The following P4HA1 variants were observed in gnomAD, a reference collection of about 807,000 sequenced individuals.
P4HA1 encodes prolyl 4-hydroxylase subunit alpha-1.
P4HA1 carries 24 observed loss-of-function variants against 72.8 expected under a neutral mutation model. That is an observed-to-expected ratio of 0.33 (90% CI 0.24 to 0.46). The LOEUF is 0.46. Among genes scored for constraint, P4HA1 ranks in the 20% least tolerant of loss-of-function variants. The probability of loss-of-function intolerance (pLI) is 1.00; values close to 1 mark genes in which losing one functional copy is unlikely to be tolerated. For synonymous variants in P4HA1, 201 were observed against 218.8 expected, an observed-to-expected ratio of 0.92 and a Z score of 0.72; for missense variants, 446 against 640.6, an observed-to-expected ratio of 0.70 and a Z score of 3.28.
intron 10 of P4HA1, among the ~76,000 whole-genome samples, chr10:73,024,531 G>C (rs913384902): frequency 5.9e-5 from 9 of 152,140 alleles, no homozygotes; most frequent in Non-Finnish European, 8.8e-5. Context: ...GCCCACAAGA[G>C]AAAGCAAGAA....
Position 73,074,870 on chromosome 10 carries a change from A to G in P4HA1, c.14T>C (p.Ile5Thr), listed in dbSNP as rs1841659822. The change falls in exon 2 of 15, where the codon ATA (isoleucine) becomes ACA (threonine). Residue 5 changes from isoleucine to threonine, a missense_variant. Ile to Thr is a moderately conservative substitution (Grantham distance 89, BLOSUM62 -1). Coordinates refer to ENST00000394890, the MANE Select transcript of P4HA1 (RefSeq NM_001017962.3). MIWY[I>T]LIIGILLPQS... ...GGGAAGCAGAATTCCTATAATTAAT[A>G]TATACCAGATCATCTTGGAAGATTT... 6.6e-7 allele frequency: 1 copy of G among 1,513,188 alleles called. No individual in the cohort carries two copies. The highest frequency in any genetic ancestry group is 9.2e-7 in the Non-Finnish European group (1 of 1,091,368). The allele number at this position is 1,513,188 out of a possible 1,614,324, so 93.7% of individuals were successfully genotyped here. A position where few individuals can be genotyped will look rare whatever the true frequency, so the allele number is the denominator to read the frequency against.
intron 4 of P4HA1, among the ~76,000 whole-genome samples, chr10:73,070,142 C>CTTTTTTTTTTTT (rs71021546): frequency 1.4e-4 from 9 of 64,500 alleles, no homozygotes; most frequent in Admixed American, 2.2e-4. Flanking sequence ...GAGACCAGGC[C>CTTTTTTTTTTTT]TTTTTTTTTT....
chr10:73,037,087 T>A (rs1840591311), intron 9 of P4HA1, among the ~76,000 whole-genome samples: 1 of 152,112 alleles, frequency 6.6e-6, no homozygotes, highest in Non-Finnish European at 1.5e-5. Context: ...AAATGTCAAC[T>A]AATTATACAG....
chr10:73,037,210 T>C (rs1840594339), intron 9 of P4HA1, among the ~76,000 whole-genome samples: 2 of 151,738 alleles, frequency 1.3e-5, no homozygotes, highest in Admixed American at 1.3e-4. Flanking sequence ...CCAAAGTATG[T>C]TCCTTTTGGC....
intron 14 of P4HA1, 141 bp downstream of exon 14, chr10:73,009,666 G>T: frequency 8.1e-6 from 4 of 491,372 alleles, no homozygotes; most frequent in Non-Finnish European, 7.4e-6. Flanking sequence ...ATTATGATTA[G>T]GCACTTGTTT....
chr10:73,075,997 T>C (rs1241583799), intron 1 of P4HA1, among the ~76,000 whole-genome samples: 2 of 152,036 alleles, frequency 1.3e-5, no homozygotes, highest in South Asian at 4.1e-4. Flanking sequence ...TCCCAGCTAC[T>C]TGGGAGGCTG....
At chr10:73,044,133 T>G (rs771052861) in intron 9 of P4HA1, among the ~76,000 whole-genome samples, 3 of 152,186 alleles carry the variant, frequency 2.0e-5, no homozygotes, top group African/African-American at 4.8e-5. Flanking sequence ...GAACAGCCAC[T>G]TCCAAATCAA....
At chr10:73,081,121 GA>G (rs1178843094) in intron 1 of P4HA1, among the ~76,000 whole-genome samples, 22 of 152,108 alleles carry the variant, frequency 1.4e-4, no homozygotes, top group African/African-American at 5.3e-4. Context: ...AAACAAGCTT[GA>G]AAAAGAAATT....
intron 11 of P4HA1, among the ~76,000 whole-genome samples, chr10:73,015,779 T>TTGTTCAGTTTGCCTTTTG (rs989668348): frequency 4.6e-5 from 7 of 152,282 alleles, no homozygotes; most frequent in African/African-American, 1.4e-4. Context: ...TTTGGGATCA[T>TTGTTCAGTTTGCCTTTTG]TGTTCAGTTT....
At chr10:73,031,148 G>A (rs546217943) in intron 9 of P4HA1, among the ~76,000 whole-genome samples, 261 of 152,150 alleles carry the variant, frequency 1.7e-3, no homozygotes, top group African/African-American at 6.0e-3. Flanking sequence ...TACATAAAAC[G>A]TGATAGATCT....
intron 5 of P4HA1, among the ~76,000 whole-genome samples, chr10:73,058,359 C>T (rs1183997363): frequency 6.6e-6 from 1 of 152,124 alleles, no homozygotes; most frequent in Non-Finnish European, 1.5e-5. Context: ...TACTTGCTGT[C>T]CTTAGTGTAG....
intron 1 of P4HA1, among the ~76,000 whole-genome samples, chr10:73,082,271 G>A (rs919176633): frequency 6.6e-6 from 1 of 152,120 alleles, no homozygotes; most frequent in African/African-American, 2.4e-5. Flanking sequence ...ATAAGTCAAG[G>A]AGCATCTATA....
chr10:73,036,607 A>C (rs1346229779), intron 9 of P4HA1, among the ~76,000 whole-genome samples: 1 of 152,092 alleles, frequency 6.6e-6, no homozygotes, highest in Non-Finnish European at 1.5e-5. Context: ...CATGTTGCCC[A>C]GGCTGGTCTC....
At chr10:73,037,130 G>C (rs1353101846) in intron 9 of P4HA1, among the ~76,000 whole-genome samples, 1 of 151,754 alleles carries the variant, frequency 6.6e-6, no homozygotes, top group Non-Finnish European at 1.5e-5. Flanking sequence ...TTTAGTGCCA[G>C]GAGAAAAAAG....
At chr10:73,088,784 A>G (rs1026083765) in intron 1 of P4HA1, among the ~76,000 whole-genome samples, 1 of 152,226 alleles carries the variant, frequency 6.6e-6, no homozygotes, top group Non-Finnish European at 1.5e-5. Flanking sequence ...AACTGCCCTT[A>G]AACTTTTTCA....
At chr10:73,025,301 G>T (rs534383830) in intron 10 of P4HA1, among the ~76,000 whole-genome samples, 44 of 152,216 alleles carry the variant, frequency 2.9e-4, no homozygotes, top group Non-Finnish European at 4.7e-4. Flanking sequence ...GGGATGCAAG[G>T]CTGGTTCAAC....
rs569046768 is a variant in P4HA1 at position 73,071,827 on chromosome 10, C to CA, written c.325+201dup. 6.7e-3 allele frequency among the ~76,000 whole-genome samples: 1,021 copies of CA among 152,082 alleles called. 10 individuals carry two copies. Among genetic ancestry groups the CA allele is most frequent in the African/African-American group, 0.023 (974 of 41,496 alleles). On this transcript the variant is annotated intron_variant, in intron 4 of 14. Coordinates refer to ENST00000394890, the MANE Select transcript of P4HA1 (RefSeq NM_001017962.3). ...TTTTGCAGATTTCAAAACAAGTCAA[C>CA]AAAAAAAGAAATTACTTCTTTTTTA...
At chr10:73,026,075 T>C (rs1287249895) in intron 10 of P4HA1, among the ~76,000 whole-genome samples, 1 of 152,156 alleles carries the variant, frequency 6.6e-6, no homozygotes, top group Non-Finnish European at 1.5e-5. Context: ...AAGCTACCAA[T>C]GACTTTCTTC....
intron 12 of P4HA1, among the ~76,000 whole-genome samples, chr10:73,013,849 T>G (rs190881495): frequency 6.6e-6 from 1 of 152,260 alleles, no homozygotes; most frequent in African/African-American, 2.4e-5. Flanking sequence ...TCTGATATAC[T>G]TCAATAAAAA....
Sources: allele counts gnomAD v4.1 joint callset (sites outside exome capture counted in the v4.1 genomes callset), GRCh38; gene constraint gnomAD v4.1.1; transcripts MANE v1.5; gene names NCBI Gene and HGNC (gene_info 2026-07-23, HGNC 2026-07-21).